Variants in DOT1L observed in about 807,000 individuals in gnomAD.
DOT1L encodes DOT1 like histone lysine methyltransferase, also known as histone-lysine N-methyltransferase, H3 lysine-79 specific.
Under a neutral mutation model 153.3 loss-of-function variants are expected in DOT1L, and 33 were observed. The observed-to-expected ratio is 0.22, with a 90% CI of 0.16 to 0.29. The LOEUF (loss-of-function observed/expected upper bound fraction) is 0.29, where lower values mean the gene tolerates loss of function less well. Ranked by LOEUF, DOT1L falls within the 10% of genes least tolerant of loss-of-function variation. The pLI, the probability that DOT1L is intolerant of heterozygous loss-of-function variation, is 1.00. For missense variants in DOT1L, 1,847 were observed against 2,119.9 expected, an observed-to-expected ratio of 0.87 and a Z score of 2.53; for synonymous variants, 1,135 against 965.1, an observed-to-expected ratio of 1.18 and a Z score of -3.26.
At chr19:2,229,620 G>A (rs1030246664) in intron 27 of DOT1L, 165 bp from the exon 28 acceptor site, 22 of 985,382 alleles carry the variant, frequency 2.2e-5, no homozygotes, top group Non-Finnish European at 2.7e-5. Flanking sequence ...GGGCACGCCC[G>A]TCGTCTGTTG....
At chr19:2,229,080 A>T in intron 27 of DOT1L, 1 of 985,422 alleles carries the variant, frequency 1.0e-6, no homozygotes, top group Non-Finnish European at 1.2e-6. Context: ...AGCTGCTCAG[A>T]TGTCAGCACC....
chr19:2,167,561 G>A (rs955863678), intron 1 of DOT1L, among the ~76,000 whole-genome samples: 1 of 152,136 alleles, frequency 6.6e-6, no homozygotes, highest in Non-Finnish European at 1.5e-5. Flanking sequence ...CGCCGTCTAC[G>A]GCCTCTTCCT....
chr19:2,189,074 A>G (rs2144733858), intron 3 of DOT1L, among the ~76,000 whole-genome samples: 1 of 152,296 alleles, frequency 6.6e-6, no homozygotes. Flanking sequence ...ACTGAGTCTC[A>G]CTGTGGACCC....
At position 2,190,519 on chromosome 19, in the gene DOT1L, G is replaced by A. The variant is rs1031373646; in HGVS notation, c.265-493G>A. On this transcript the variant is annotated intron_variant, in intron 4 of 27. Transcript: ENST00000398665. This position sits in a 1 kb window ranked among gnomAD's most constrained non-coding sequence, Gnocchi z 4.8. ...TGCATGCAGCTCTGTGGGCCCCTGA[G>A]AGCTGAGCTGGCCTGGGCGAGAGGG... is the stretch of plus-strand genomic sequence containing the variant. Among the ~76,000 whole-genome samples the A allele has an allele frequency of 6.6e-6, 1 of 152,138 alleles. No homozygotes were observed. The highest frequency in any genetic ancestry group is 2.4e-5 in the African/African-American group (1 of 41,426).
intron 7 of DOT1L, among the ~76,000 whole-genome samples, 160 bp downstream of exon 7, chr19:2,194,737 G>A (rs1396413199): frequency 6.6e-6 from 1 of 152,200 alleles, no homozygotes; most frequent in Non-Finnish European, 1.5e-5. Context: ...CCTGGGCGTG[G>A]CGTCTGAGCC....
chr19:2,206,328 G>A (rs763990935), intron 9 of DOT1L, among the ~76,000 whole-genome samples: 1 of 151,916 alleles, frequency 6.6e-6, no homozygotes, highest in African/African-American at 2.4e-5. Flanking sequence ...GAGGTTGGGC[G>A]TGGTGGCTCA....
At chr19:2,173,537 G>A (rs1050569612) in intron 1 of DOT1L, among the ~76,000 whole-genome samples, 1 of 152,144 alleles carries the variant, frequency 6.6e-6, no homozygotes, top group Non-Finnish European at 1.5e-5. Context: ...TAGCGCCTCC[G>A]TCTGTGAGAA....
intron 27 of DOT1L, chr19:2,227,588 G>T (rs982727241): frequency 1.6e-5 from 15 of 915,954 alleles, no homozygotes; most frequent in Middle Eastern, 4.6e-4. Context: ...GGGCCACCAC[G>T]AGCCTGGCCG....
intron 27 of DOT1L, chr19:2,228,180 GC>G (rs755294140): frequency 1.5e-6 from 2 of 1,362,966 alleles, no homozygotes; most frequent in South Asian, 1.1e-5. Flanking sequence ...GCACAAGGGC[GC>G]CCGCCCCTCC....
In DOT1L at chr19:2,222,173, C is replaced by T. The variant is rs750598061; in HGVS notation, c.3004C>T (p.Pro1002Ser). 1 of 1,613,144 alleles carries T rather than the reference C, an allele frequency of 6.2e-7. No individual in the cohort carries two copies. The highest frequency in any genetic ancestry group is 1.1e-5 in the South Asian group (1 of 91,068). Reference sequence around the variant, plus strand: ...GCCCCGGAACTCGCTTCCTGCCTCTCCCGCCCACCAGCTCTCCTCCAGTCC... The same window carrying T: ...GCCCCGGAACTCGCTTCCTGCCTCTTCCGCCCACCAGCTCTCCTCCAGTCC... ...AQPRNSLPAS[P>S]AHQLSSSPRL... The change falls in exon 24 of 28, where the codon CCC becomes TCC. Residue 1002 changes from proline (P) to serine (S), a missense_variant. By Grantham distance (74) the Pro-to-Ser change is moderately conservative. Around this residue, in one of 8 missense-constraint regions of DOT1L, gnomAD observed 934 missense variants for 825.3 expected, o/e 1.13. Transcript: ENST00000398665. The surrounding 1 kb of genome is among the most constrained non-coding windows in gnomAD (Gnocchi z 6.5).
chr19:2,165,923 C>T (rs999993732), intron 1 of DOT1L, among the ~76,000 whole-genome samples: 10 of 151,940 alleles, frequency 6.6e-5, no homozygotes, highest in African/African-American at 2.4e-4. Context: ...CGCCCGCCAC[C>T]ACGCCCGGCT....
chr19:2,174,524 T>A (rs1486415678), intron 1 of DOT1L, among the ~76,000 whole-genome samples: 1 of 152,070 alleles, frequency 6.6e-6, no homozygotes, highest in East Asian at 1.9e-4. Context: ...CCGTCTCTGT[T>A]AAAAATACAA....
intron 17 of DOT1L, 79 bp downstream of exon 17, chr19:2,213,719 C>T: frequency 6.2e-7 from 1 of 1,600,120 alleles, no homozygotes; most frequent in East Asian, 2.2e-5. Context: ...GGTATGGCTT[C>T]CTGTGGCTTC....
At chr19:2,184,268 G>A (rs941359896) in intron 2 of DOT1L, among the ~76,000 whole-genome samples, 2 of 152,158 alleles carry the variant, frequency 1.3e-5, no homozygotes, top group African/African-American at 4.8e-5. Flanking sequence ...GTCCCCTGCC[G>A]GTGTTGGCCA....
intron 2 of DOT1L, among the ~76,000 whole-genome samples, chr19:2,183,982 C>A (rs2022369856): frequency 6.6e-6 from 1 of 151,048 alleles, no homozygotes; most frequent in South Asian, 2.1e-4. Context: ...TGTGTAAAGA[C>A]TGCTCCCTTT....
At chr19:2,227,218 A>T in intron 27 of DOT1L, 91 bp downstream of exon 27, 1 of 1,503,532 alleles carries the variant, frequency 6.7e-7, no homozygotes, top group East Asian at 2.3e-5. Flanking sequence ...CTCTTGCAGC[A>T]GGAGCTGAGC....
At chr19:2,219,131 G>A (rs1185071420) in intron 22 of DOT1L, among the ~76,000 whole-genome samples, 2 of 152,126 alleles carry the variant, frequency 1.3e-5, no homozygotes, top group Non-Finnish European at 2.9e-5. Flanking sequence ...CTCAGCCTCC[G>A]AAATTGATGG....
intron 26 of DOT1L, 112 bp downstream of exon 26, chr19:2,225,564 G>C: frequency 3.4e-6 from 4 of 1,193,148 alleles, no homozygotes; most frequent in Non-Finnish European, 5.0e-6. Context: ...GCATGGTGCT[G>C]GCCCGCTGCG....
chr19:2,174,423 A>T (rs2021804660), intron 1 of DOT1L, among the ~76,000 whole-genome samples: 1 of 152,182 alleles, frequency 6.6e-6, no homozygotes, highest in Admixed American at 6.6e-5. Flanking sequence ...ACAGTGGCTC[A>T]CATCTGTAAT....
Sources: allele counts gnomAD v4.1 joint callset (sites outside exome capture counted in the v4.1 genomes callset), GRCh38; gene constraint gnomAD v4.1.1; regional missense constraint gnomAD v4.1.1; non-coding constraint Gnocchi (gnomAD v3.1); transcripts MANE v1.5; gene names NCBI Gene and HGNC (gene_info 2026-07-23, HGNC 2026-07-21).